NKAIN3: variants seen among roughly 807,000 people sequenced by gnomAD.
NKAIN3 encodes sodium/potassium-transporting ATPase subunit beta-1-interacting protein 3.
NKAIN3 carries 25 observed loss-of-function variants against 30.2 expected under a neutral mutation model. The ratio of observed to expected loss-of-function variants is 0.83; its 90% CI spans 0.60 to 1.16. The LOEUF is 1.16. Ranked by LOEUF, NKAIN3 falls within the 50% of genes most tolerant of loss-of-function variation. The pLI, the probability that NKAIN3 is intolerant of heterozygous loss-of-function variation, is 0.00. For missense variants in NKAIN3, 225 were observed against 254.1 expected (o/e 0.89, Z 0.78); for synonymous variants, 91 against 89.6 (o/e 1.02, Z -0.09).
At chr8:62,537,271 G>A (rs1329933644) in intron 1 of NKAIN3, among the ~76,000 whole-genome samples, 1 of 152,180 alleles carries the variant, frequency 6.6e-6, no homozygotes, top group Non-Finnish European at 1.5e-5. Context: ...GTAGTTAGAA[G>A]GAAGAGGTTA....
At chr8:62,257,564 AT>A (rs1215933628) in intron 1 of NKAIN3, among the ~76,000 whole-genome samples, 3 of 152,218 alleles carry the variant, frequency 2.0e-5, no homozygotes, top group African/African-American at 7.2e-5. Context: ...TTCAAAAAAA[AT>A]AATGTCTCTG....
chr8:62,670,242 C>T (rs969633905), intron 3 of NKAIN3, among the ~76,000 whole-genome samples: 7 of 152,134 alleles, frequency 4.6e-5, no homozygotes, highest in Non-Finnish European at 8.8e-5. Flanking sequence ...TGTGTGGCTT[C>T]AGGGGCTCAA....
At chr8:62,877,811 C>T (rs1037835540) in intron 4 of NKAIN3, among the ~76,000 whole-genome samples, 1 of 152,048 alleles carries the variant, frequency 6.6e-6, no homozygotes, top group Non-Finnish European at 1.5e-5. Context: ...GAGGCTGAGG[C>T]GGGCAGATCA....
chr8:62,701,167 C>T (rs1814318945), intron 3 of NKAIN3, among the ~76,000 whole-genome samples: 3 of 152,152 alleles, frequency 2.0e-5, no homozygotes, highest in Admixed American at 2.0e-4. Context: ...AGAATCTTTT[C>T]TCTCAATTTA....
At chr8:62,888,640 A>T (rs978747441) in intron 4 of NKAIN3, among the ~76,000 whole-genome samples, 2 of 152,222 alleles carry the variant, frequency 1.3e-5, no homozygotes, top group Admixed American at 6.5e-5. Context: ...GCATGGACTG[A>T]CGACTTCTAA....
chr8:62,293,440 A>G (rs185096186), intron 1 of NKAIN3, among the ~76,000 whole-genome samples: 1 of 152,066 alleles, frequency 6.6e-6, no homozygotes, highest in Non-Finnish European at 1.5e-5. Flanking sequence ...TCTGTTTGTT[A>G]GTTTTCCTTC....
intron 4 of NKAIN3, among the ~76,000 whole-genome samples, chr8:62,837,829 A>G (rs1364943518): frequency 1.3e-5 from 2 of 152,058 alleles, no homozygotes; most frequent in Non-Finnish European, 2.9e-5. Context: ...TTAATTAAAC[A>G]TGAGTTAACA....
chr8:62,877,499 C>T (rs1820835669), intron 4 of NKAIN3, among the ~76,000 whole-genome samples: 1 of 152,186 alleles, frequency 6.6e-6, no homozygotes, highest in Non-Finnish European at 1.5e-5. Flanking sequence ...GCAGCTTCCC[C>T]CATGAGCCTG....
intron 3 of NKAIN3, among the ~76,000 whole-genome samples, chr8:62,737,032 T>G (rs1220851290): frequency 6.6e-6 from 1 of 152,216 alleles, no homozygotes; most frequent in Non-Finnish European, 1.5e-5. Flanking sequence ...CATTGGGCAC[T>G]CACAGTTTTT....
At chr8:62,681,690 G>A (rs987600713) in intron 3 of NKAIN3, among the ~76,000 whole-genome samples, 2 of 152,104 alleles carry the variant, frequency 1.3e-5, no homozygotes, top group African/African-American at 2.4e-5. Flanking sequence ...AATCACTAAA[G>A]GGAAAATCAT....
chr8:62,727,911 G>C (rs915220411), intron 3 of NKAIN3, among the ~76,000 whole-genome samples: 13 of 152,304 alleles, frequency 8.5e-5, no homozygotes, highest in Middle Eastern at 3.4e-3. Context: ...AAGTACCCAT[G>C]TAAGTGTACG....
In NKAIN3 at chr8:62,973,781, G is replaced by A. The variant is rs976432359; in HGVS notation, c.*8374G>A. Among the ~76,000 whole-genome samples the A allele has an allele frequency of 2.6e-5, 4 of 152,046 alleles. No individual in the cohort carries two copies. Among genetic ancestry groups the A allele is most frequent in the African/African-American group, 9.7e-5 (4 of 41,404 alleles). ...TGGTATTGCTTAGGTTTTCTTCTAGGGTTTTAATGGCTTTGGGTTTTACAT... is the reference window on the plus strand; with the variant it reads ...TGGTATTGCTTAGGTTTTCTTCTAGAGTTTTAATGGCTTTGGGTTTTACAT... On this transcript the variant is annotated 3_prime_UTR_variant, in exon 7 of 7. Transcript: ENST00000623646.
chr8:62,636,435 T>G (rs1412437804), intron 3 of NKAIN3, among the ~76,000 whole-genome samples: 1 of 152,202 alleles, frequency 6.6e-6, no homozygotes, highest in Non-Finnish European at 1.5e-5. Context: ...ATTTTCCTAG[T>G]ATAAGTTATT....
chr8:62,309,472 C>A (rs753883135), intron 1 of NKAIN3, among the ~76,000 whole-genome samples: 59 of 150,506 alleles, frequency 3.9e-4, no homozygotes, highest in Non-Finnish European at 1.0e-4. Context: ...GTGGAAGATA[C>A]AATCATCACT....
chr8:62,437,601 G>T (rs1805207677), intron 1 of NKAIN3, among the ~76,000 whole-genome samples: 1 of 152,114 alleles, frequency 6.6e-6, no homozygotes, highest in Non-Finnish European at 1.5e-5. Flanking sequence ...TTAAGTTATG[G>T]GTGCTACGGA....
chr8:62,805,151 A>T (rs1037229583), intron 4 of NKAIN3, among the ~76,000 whole-genome samples: 65 of 152,162 alleles, frequency 4.3e-4, no homozygotes, highest in African/African-American at 1.4e-3. Flanking sequence ...GAAATAAAAG[A>T]GGATACAAAC....
intron 5 of NKAIN3, among the ~76,000 whole-genome samples, chr8:62,919,786 C>A (rs939358167): frequency 2.0e-5 from 3 of 152,200 alleles, no homozygotes; most frequent in Middle Eastern, 3.4e-3. Flanking sequence ...GAGTTGGAAT[C>A]CAGAATCTGA....
At chr8:62,306,572 GTGTGT>G (rs1246037520) in intron 1 of NKAIN3, among the ~76,000 whole-genome samples, 6 of 143,400 alleles carry the variant, frequency 4.2e-5, no homozygotes, top group African/African-American at 1.7e-4. Flanking sequence ...GTGTGTGTGT[GTGTGT>G]TGTGTGTGTG....
At chr8:62,556,846 A>G (rs1439980484) in intron 1 of NKAIN3, among the ~76,000 whole-genome samples, 1 of 152,084 alleles carries the variant, frequency 6.6e-6, no homozygotes, top group Non-Finnish European at 1.5e-5. Flanking sequence ...GACTATTTTA[A>G]CACACATGGT....
Sources: gnomAD v4.1 joint callset for allele counts (sites outside exome capture counted in the v4.1 genomes callset) on GRCh38, gnomAD v4.1.1 for gene constraint, MANE v1.5 for transcripts, NCBI Gene and HGNC (gene_info 2026-07-23, HGNC 2026-07-21) for gene names.